STK33: variants seen among roughly 807,000 people sequenced by gnomAD.
The protein encoded by STK33 is serine/threonine-protein kinase 33.
STK33 carries 52 observed loss-of-function variants against 58.0 expected under a neutral mutation model. The observed-to-expected ratio is 0.90, with a 90% CI of 0.72 to 1.13. The LOEUF is 1.13. Ranked by LOEUF, STK33 falls within the 50% of genes most tolerant of loss-of-function variation. STK33 has a pLI of 0.00. For synonymous variants in STK33, 215 were observed against 200.1 expected (o/e 1.07, Z -0.63); for missense variants, 630 against 604.2 (o/e 1.04, Z -0.45).
Position 8,461,864 on chromosome 11 carries a change from G to A in STK33, c.499C>T (p.Leu167=), listed in dbSNP as rs373702465. The part of the protein sequence containing the change: ...VKLLEREVNI[L]KSVKHEHIIH... ...ATGTGTTCATGTTTTACACTTTTCAGAATGTTCACCTCTCGTTCAAGTAAC... is the reference window on the plus strand; with the variant it reads ...ATGTGTTCATGTTTTACACTTTTCAAAATGTTCACCTCTCGTTCAAGTAAC... Residue 167 remains leucine (L), a synonymous_variant, in exon 8 of 16, where the codon CTG becomes TTG. Coordinates refer to ENST00000687296, the MANE Select transcript of STK33 (RefSeq NM_001352389.2). 10 of 1,601,502 alleles carry A rather than the reference G, an allele frequency of 6.2e-6. No homozygotes were observed. The highest frequency in any genetic ancestry group is 1.6e-4 in the Middle Eastern group (1 of 6,062).
intron 7 of STK33, among the ~76,000 whole-genome samples, chr11:8,463,048 T>C (rs1470577647): frequency 6.6e-6 from 1 of 152,190 alleles, no homozygotes; most frequent in Admixed American, 6.5e-5. Flanking sequence ...TTTTACCTAG[T>C]GTCATTCCAG....
intron 1 of STK33, among the ~76,000 whole-genome samples, chr11:8,579,838 T>C (rs942928285): frequency 9.2e-5 from 14 of 152,232 alleles, no homozygotes; most frequent in Admixed American, 2.0e-4. Context: ...AAAGAAGACA[T>C]ACAAATGGCA....
At chr11:8,449,404 C>G (rs1044568382) in intron 11 of STK33, among the ~76,000 whole-genome samples, 4 of 151,574 alleles carry the variant, frequency 2.6e-5, no homozygotes, top group Admixed American at 2.6e-4. Context: ...CAATGATCAA[C>G]TGGATTAAGA....
chr11:8,391,292 T>C (rs1463758008), downstream of STK33, among the ~76,000 whole-genome samples: 1 of 152,092 alleles, frequency 6.6e-6, no homozygotes, highest in African/African-American at 2.4e-5. Context: ...TAAAATAAAA[T>C]ACAGACAATT....
At chr11:8,366,506 T>A in the STK33 span, among the ~76,000 whole-genome samples, 1 of 152,210 alleles carries the variant, frequency 6.6e-6, no homozygotes, top group African/African-American at 2.4e-5. Context: ...TGTGAGGGGC[T>A]GAGTCCTGAG....
At chr11:8,353,659 C>G in the STK33 span, among the ~76,000 whole-genome samples, 254 of 152,286 alleles carry the variant, frequency 1.7e-3, 1 homozygote, top group African/African-American at 5.8e-3. Flanking sequence ...ATTCTCCCTT[C>G]CCCATTGTTT....
the STK33 span, among the ~76,000 whole-genome samples, chr11:8,343,356 G>A: frequency 6.6e-6 from 1 of 152,244 alleles, no homozygotes; most frequent in Non-Finnish European, 1.5e-5. Context: ...GAGGGCCAAA[G>A]ATGGTGGGGA....
chr11:8,560,164 A>G (rs985702240), intron 1 of STK33, among the ~76,000 whole-genome samples: 1 of 152,188 alleles, frequency 6.6e-6, no homozygotes, highest in Non-Finnish European at 1.5e-5. Context: ...TCTTAGCAGT[A>G]GCACTGCAGA....
At chr11:8,375,083 C>T in the STK33 span, among the ~76,000 whole-genome samples, 6 of 152,352 alleles carry the variant, frequency 3.9e-5, no homozygotes, top group South Asian at 6.2e-4. Flanking sequence ...AGTCTGGCAG[C>T]ACTAATGCTC....
chr11:8,590,566 T>G (rs565072043), intron 1 of STK33, among the ~76,000 whole-genome samples: 110 of 152,320 alleles, frequency 7.2e-4, no homozygotes, highest in African/African-American at 2.6e-3. Flanking sequence ...TTAGTCCATA[T>G]ATGTAGAAAG....
At chr11:8,409,473 C>T (rs1939835824) in intron 15 of STK33, among the ~76,000 whole-genome samples, 1 of 152,180 alleles carries the variant, frequency 6.6e-6, no homozygotes, top group Non-Finnish European at 1.5e-5. Context: ...AAATAGCCTT[C>T]AACAGTTCTA....
the STK33 span, among the ~76,000 whole-genome samples, chr11:8,372,196 C>T: frequency 6.6e-6 from 1 of 152,178 alleles, no homozygotes; most frequent in Non-Finnish European, 1.5e-5. Flanking sequence ...GCTGGAATCA[C>T]ACTATTCCAG....
intron 1 of STK33, among the ~76,000 whole-genome samples, chr11:8,580,273 T>A (rs1454867871): frequency 6.6e-6 from 1 of 151,862 alleles, no homozygotes; most frequent in Admixed American, 6.6e-5. Flanking sequence ...CACAATGGAG[T>A]ACTATTCAGC....
At chr11:8,490,228 T>G (rs776079840) in intron 1 of STK33, among the ~76,000 whole-genome samples, 4 of 152,196 alleles carry the variant, frequency 2.6e-5, no homozygotes, top group Non-Finnish European at 5.9e-5. Flanking sequence ...ACTGTACTTT[T>G]CCAATGGTCT....
chr11:8,554,333 C>T (rs1050372210), intron 1 of STK33, among the ~76,000 whole-genome samples: 1 of 150,188 alleles, frequency 6.7e-6, no homozygotes, highest in African/African-American at 2.5e-5. Context: ...GCAGGAGAAT[C>T]GCTTGAATCC....
chr11:8,392,283 G>A lies in STK33; in HGVS notation c.*227C>T, dbSNP rs1002207590. 1.2e-5 allele frequency: 7 copies of A among 564,360 alleles called. No homozygotes were observed. Among genetic ancestry groups the A allele is most frequent in the Non-Finnish European group, 6.2e-6 (2 of 320,136 alleles). 35.0% of individuals were successfully genotyped at this position (564,360 alleles called of 1,614,324 possible). A position where few individuals can be genotyped will look rare whatever the true frequency, so the allele number is the denominator to read the frequency against. ...ACATCTTGAGTTGATTTCCACTGCA[G>A]CCCACTGCCAAGCCTACTGGTGGCT... On this transcript the variant is annotated 3_prime_UTR_variant, in exon 16 of 16. Transcript: ENST00000687296.
At chr11:8,343,145 C>G in the STK33 span, among the ~76,000 whole-genome samples, 3 of 152,254 alleles carry the variant, frequency 2.0e-5, no homozygotes, top group African/African-American at 7.2e-5. Flanking sequence ...CAAATCCAGC[C>G]GGGACAGAGC....
At chr11:8,371,132 C>T in the STK33 span, among the ~76,000 whole-genome samples, 3 of 152,176 alleles carry the variant, frequency 2.0e-5, no homozygotes, top group African/African-American at 7.2e-5. Flanking sequence ...CCCCCAAATT[C>T]ATGTCCATTT....
At chr11:8,407,391 G>C (rs1939426763) in intron 15 of STK33, among the ~76,000 whole-genome samples, 1 of 152,038 alleles carries the variant, frequency 6.6e-6, no homozygotes, top group Non-Finnish European at 1.5e-5. Context: ...ATATTCTCAA[G>C]AGTTGGTGTA....
Sources: allele counts gnomAD v4.1 joint callset (sites outside exome capture counted in the v4.1 genomes callset), GRCh38; gene constraint gnomAD v4.1.1; transcripts MANE v1.5; gene names NCBI Gene and HGNC (gene_info 2026-07-23, HGNC 2026-07-21).